LRP1B: variants seen among roughly 807,000 people sequenced by gnomAD.
The protein encoded by LRP1B is low-density lipoprotein receptor-related protein 1B.
Under a neutral mutation model 556.6 loss-of-function variants are expected in LRP1B, and 217 were observed. That is an observed-to-expected ratio of 0.39 (90% CI 0.35 to 0.44). The LOEUF (loss-of-function observed/expected upper bound fraction) is 0.44. LRP1B is among the 20% of genes least tolerant of loss of function. LRP1B has a pLI of 1.00. For missense variants in LRP1B, 5,053 were observed against 5,620.8 expected (o/e 0.90, Z 3.23); for synonymous variants, 2,047 against 1,865.8 (o/e 1.10, Z -2.50).
intron 11 of LRP1B, among the ~76,000 whole-genome samples, chr2:141,030,406 G>A (rs1405610195): frequency 1.3e-5 from 2 of 151,792 alleles, no homozygotes; most frequent in Non-Finnish European, 2.9e-5. Context: ...TGAAATAATA[G>A]CGAGTTAAAC....
At chr2:140,546,486 G>T (rs1311231567) in intron 43 of LRP1B, among the ~76,000 whole-genome samples, 1 of 152,100 alleles carries the variant, frequency 6.6e-6, no homozygotes, top group East Asian at 1.9e-4. Context: ...TGGCAGAAGG[G>T]GTAGCAAACA....
chr2:140,498,706 G>T (rs1689052325), intron 55 of LRP1B, among the ~76,000 whole-genome samples: 1 of 151,758 alleles, frequency 6.6e-6, no homozygotes, highest in African/African-American at 2.4e-5. Context: ...CGTGGTAGAA[G>T]CATCTTGTTG....
At chr2:140,461,165 C>G (rs1402273484) in intron 60 of LRP1B, among the ~76,000 whole-genome samples, 3 of 151,424 alleles carry the variant, frequency 2.0e-5, no homozygotes. Flanking sequence ...TGAATATACT[C>G]TATTACAATA....
chr2:141,720,870 G>A (rs563267675), intron 2 of LRP1B, among the ~76,000 whole-genome samples: 27 of 152,248 alleles, frequency 1.8e-4, no homozygotes, highest in African/African-American at 6.3e-4. Flanking sequence ...AGTTGGAAGA[G>A]TATTTCCAAT....
At chr2:140,526,440 T>A (rs1353337287) in intron 47 of LRP1B, 90 bp from the exon 48 acceptor site, 1 of 897,288 alleles carries the variant, frequency 1.1e-6, no homozygotes, top group Non-Finnish European at 1.7e-6. Context: ...TTTTATATAA[T>A]TTTGTTTGGT....
At chr2:141,209,086 A>T (rs893491558) in intron 6 of LRP1B, among the ~76,000 whole-genome samples, 4 of 152,092 alleles carry the variant, frequency 2.6e-5, no homozygotes, top group African/African-American at 9.7e-5. Context: ...TCACAGACAC[A>T]GCACTACAAT....
intron 43 of LRP1B, among the ~76,000 whole-genome samples, chr2:140,584,778 AT>A (rs1681915652): frequency 1.3e-5 from 2 of 152,282 alleles, no homozygotes; most frequent in East Asian, 3.9e-4. Flanking sequence ...AATAAACACT[AT>A]TAAGCCTACT....
intron 2 of LRP1B, among the ~76,000 whole-genome samples, chr2:141,570,926 G>A (rs2105263007): frequency 6.6e-6 from 1 of 151,356 alleles, no homozygotes; most frequent in East Asian, 1.9e-4. Context: ...AGCCCCAAGG[G>A]GGAGGGGTGC....
chr2:140,369,464 C>T (rs1292946867), intron 71 of LRP1B, among the ~76,000 whole-genome samples: 1 of 151,904 alleles, frequency 6.6e-6, no homozygotes, highest in Admixed American at 6.6e-5. Context: ...TTATTGCTGC[C>T]AGACTTTCCA....
intron 7 of LRP1B, among the ~76,000 whole-genome samples, chr2:141,138,726 T>G (rs1470345652): frequency 1.3e-5 from 2 of 151,822 alleles, no homozygotes; most frequent in Non-Finnish European, 1.5e-5. Flanking sequence ...GTGACAGACA[T>G]TAAATAATGA....
intron 2 of LRP1B, among the ~76,000 whole-genome samples, chr2:141,736,621 G>A (rs1693476772): frequency 6.6e-6 from 1 of 152,072 alleles, no homozygotes; most frequent in African/African-American, 2.4e-5. Flanking sequence ...ATGTGTAGTG[G>A]CTTAAACAGC....
chr2:141,906,351 G>A (rs1008090668), intron 1 of LRP1B, among the ~76,000 whole-genome samples: 6 of 151,344 alleles, frequency 4.0e-5, no homozygotes, highest in South Asian at 2.1e-4. Flanking sequence ...TTCTTTTTTC[G>A]TATATGCAAT....
chr2:141,246,314 T>C (rs1038687578), intron 5 of LRP1B, among the ~76,000 whole-genome samples: 87 of 152,250 alleles, frequency 5.7e-4, no homozygotes, highest in African/African-American at 1.1e-3. Context: ...GCAACATGGT[T>C]GAAGAAGGAC....
intron 1 of LRP1B, among the ~76,000 whole-genome samples, chr2:142,026,055 T>C (rs1353899974): frequency 6.6e-6 from 1 of 152,092 alleles, no homozygotes; most frequent in Admixed American, 6.6e-5. Flanking sequence ...CTGACAGTTA[T>C]TTGGCCTATG....
At chr2:140,748,092 A>AAT (rs757456196) in intron 35 of LRP1B, among the ~76,000 whole-genome samples, 133 of 6,924 alleles carry the variant, frequency 0.019, no homozygotes, top group African/African-American at 0.067. Flanking sequence ...AAGTCCTATG[A>AAT]ATATATATAT....
chr2:141,510,393 T>C (rs532764459), intron 2 of LRP1B, among the ~76,000 whole-genome samples: 1 of 152,264 alleles, frequency 6.6e-6, no homozygotes, highest in South Asian at 2.1e-4. Context: ...CATTTGAGCA[T>C]TTATATCTTC....
chr2:141,948,543 A>G (rs980519233), intron 1 of LRP1B, among the ~76,000 whole-genome samples: 1 of 152,056 alleles, frequency 6.6e-6, no homozygotes, highest in African/African-American at 2.4e-5. Flanking sequence ...AAAATAGTCA[A>G]TGAAGAAACA....
chr2:140,642,928 C>G (rs985377290), intron 41 of LRP1B, among the ~76,000 whole-genome samples: 9 of 152,164 alleles, frequency 5.9e-5, no homozygotes, highest in African/African-American at 2.2e-4. Flanking sequence ...TTGTGACTCT[C>G]TGTTCATATG....
intron 21 of LRP1B, among the ~76,000 whole-genome samples, chr2:140,920,339 T>C (rs540690947): frequency 2.6e-5 from 4 of 152,174 alleles, no homozygotes; most frequent in African/African-American, 9.6e-5. Flanking sequence ...TTTAAAAACC[T>C]ACTGTGCCTA....
Sources: gnomAD v4.1 joint callset for allele counts (sites outside exome capture counted in the v4.1 genomes callset) on GRCh38, gnomAD v4.1.1 for gene constraint, MANE v1.5 for transcripts, NCBI Gene and HGNC (gene_info 2026-07-23, HGNC 2026-07-21) for gene names.